Variants in MPND observed in about 807,000 individuals in gnomAD.
The protein encoded by MPND is MPN domain containing.
Under a neutral mutation model 59.2 loss-of-function variants are expected in MPND, and 56 were observed. The ratio of observed to expected loss-of-function variants is 0.95; its 90% CI spans 0.76 to 1.18. The LOEUF is 1.18. Ranked by LOEUF, MPND falls within the 50% of genes most tolerant of loss-of-function variation. The pLI, the probability that MPND is intolerant of heterozygous loss-of-function variation, is 0.00. For missense variants in MPND, 671 were observed against 676.0 expected, an observed-to-expected ratio of 0.99 and a Z score of 0.08; for synonymous variants, 323 against 291.9, an observed-to-expected ratio of 1.11 and a Z score of -1.09.
chr19:4,350,457 G>A (rs375847025), intron 3 of MPND, among the ~76,000 whole-genome samples: 6 of 152,292 alleles, frequency 3.9e-5, no homozygotes, highest in Non-Finnish European at 7.4e-5. Flanking sequence ...ACTGTCGGGG[G>A]TTAGGGTGGG....
rs940887141 is a variant in MPND, at chr19:4,358,099, A to G, written c.1253A>G (p.Tyr418Cys). The G allele has an allele frequency of 5.3e-5, 82 of 1,551,314 alleles. No homozygotes were observed. The highest frequency in any genetic ancestry group is 6.9e-5 in the Non-Finnish European group (79 of 1,146,946). Reference protein sequence around the residue: ...MPPPEQRPSDYGIPMDVEMAY... With the variant: ...MPPPEQRPSDCGIPMDVEMAY... ...CCCTGCCAGCAAAGGCCCAGTGACT[A>G]TGGCATCCCCATGGATGTGGAGATG... Residue 418 changes from tyrosine to cysteine, a missense_variant, in exon 11 of 13, where the codon TAT (tyrosine) becomes TGT (cysteine). Tyr to Cys is a radical substitution (Grantham distance 194). Transcript: ENST00000599840.
chr19:4,345,499 G>A (rs976958472), intron 2 of MPND, among the ~76,000 whole-genome samples: 4 of 152,160 alleles, frequency 2.6e-5, no homozygotes, highest in Non-Finnish European at 4.4e-5. Flanking sequence ...CCCTATCCCC[G>A]ATCTTAGGGG....
chr19:4,344,977 C>T (rs1366403608), intron 2 of MPND, among the ~76,000 whole-genome samples: 1 of 145,448 alleles, frequency 6.9e-6, no homozygotes, highest in Non-Finnish European at 1.5e-5. Flanking sequence ...CTCCTGACCT[C>T]GTGGTCCGCC....
chr19:4,354,140 C>T lies in MPND; in HGVS notation c.749+11C>T, dbSNP rs764849375. 25 of 1,604,954 alleles carry T rather than the reference C, an allele frequency of 1.6e-5. No homozygotes were observed. The highest frequency in any genetic ancestry group is 2.0e-5 in the Non-Finnish European group (24 of 1,172,518). ...CCGCGACTTGGCCAGGTCAGACTCA[C>T]CCCAAGTTCTGCCCCTGCCCCAGCT... is the stretch of plus-strand genomic sequence containing the variant. On this transcript the variant is annotated intron_variant, in intron 5 of 12. Transcript: ENST00000599840.
Position 4,345,838 on chromosome 19 carries a change from C to G in MPND, c.388C>G (p.His130Asp), listed in dbSNP as rs762305873. Reference protein sequence around the residue: ...TFNSPSAWATHCKKLVNPAKK... With the variant: ...TFNSPSAWATDCKKLVNPAKK... ...CAACTCACCCAGCGCCTGGGCCACC[C>G]ACTGCAAGAAGCTGGTGAACCCTGC... The change falls in exon 3 of 13, where the codon CAC becomes GAC. Residue 130 changes from histidine (H) to aspartate (D), a missense_variant. Physicochemically the swap from His to Asp is moderately conservative, Grantham distance 81 (BLOSUM62 -1). Coordinates refer to ENST00000599840, the MANE Select transcript of MPND (RefSeq NM_001300862.2). 1.2e-6 allele frequency: 2 copies of G among 1,613,966 alleles called. No individual in the cohort carries two copies. Among genetic ancestry groups the G allele is most frequent in the African/African-American group, 1.3e-5 (1 of 74,930 alleles).
At chr19:4,354,646 A>T in intron 6 of MPND, 1 of 597,850 alleles carries the variant, frequency 1.7e-6, no homozygotes, top group South Asian at 2.0e-5. Flanking sequence ...GCAGCGGGTC[A>T]CCTGAACTCA....
At chr19:4,357,679 G>A in intron 10 of MPND, 94 bp downstream of exon 10, 1 of 1,282,350 alleles carries the variant, frequency 7.8e-7, no homozygotes, top group Non-Finnish European at 1.1e-6. Flanking sequence ...AGGCTCCACT[G>A]GAGAGTTGGG....
chr19:4,351,347 A>C (rs1972311513), intron 3 of MPND, among the ~76,000 whole-genome samples: 1 of 151,832 alleles, frequency 6.6e-6, no homozygotes, highest in Non-Finnish European at 1.5e-5. Context: ...CAAGTGGTCC[A>C]CCGCCTCAGC....
chr19:4,359,340 C>T lies in MPND; in HGVS notation c.1419+85C>T, dbSNP rs1025725473. 3.3e-5 allele frequency: 34 copies of T among 1,024,256 alleles called. No homozygotes were observed. In the African/African-American group the frequency reaches 4.5e-4, roughly 14 times the overall value. The allele number at this position is 1,024,256 out of a possible 1,614,324, so 63.4% of individuals were successfully genotyped here. On this transcript the variant is annotated intron_variant, in intron 12 of 12. Transcript: ENST00000599840. ...CCTAAAAGGTGGCAGCAATGAGCCC[C>T]GTGGGCCTCAGGGGCCTGAGACAGC...
Position 4,354,069 on chromosome 19 carries a change from T to C in MPND, c.689T>C (p.Val230Ala). 6.2e-7 allele frequency: 1 copy of C among 1,613,192 alleles called. No homozygotes were observed. Among genetic ancestry groups the C allele is most frequent in the South Asian group, 1.1e-5 (1 of 91,050 alleles). ...GAGGCCACAACCCCAGGGAAGCGGG[T>C]GGACAGCAAGATCCGGGTTCCGGTC... is the stretch of plus-strand genomic sequence containing the variant. ...HPEATTPGKR[V>A]DSKIRVPVRY... is the part of the protein sequence containing the mutation. Residue 230 changes from valine (V) to alanine (A), a missense_variant, in exon 5 of 13, where the codon GTG becomes GCG. Transcript: ENST00000599840.
At chr19:4,344,691 C>T (rs555459285) in intron 2 of MPND, among the ~76,000 whole-genome samples, 8 of 151,362 alleles carry the variant, frequency 5.3e-5, no homozygotes, top group African/African-American at 1.5e-4. Flanking sequence ...CCTCAGCAGG[C>T]GCCTGCCACA....
In MPND at chr19:4,354,082, C is replaced by G. The variant is rs747554042; in HGVS notation, c.702C>G (p.Ile234Met). Residue 234 changes from isoleucine (I) to methionine (M), a missense_variant, in exon 5 of 13, where the codon ATC becomes ATG. Transcript: ENST00000599840. ...TTPGKRVDSK[I>M]RVPVRYCMLG... ...CAGGGAAGCGGGTGGACAGCAAGAT[C>G]CGGGTTCCGGTCCGCTACTGCATGC... 35 of 1,613,330 alleles carry G rather than the reference C, an allele frequency of 2.2e-5. No individual in the cohort carries two copies. The African/African-American group carries it at 3.9e-4, about 18-fold the overall frequency.
chr19:4,360,012 G>T lies in MPND; in HGVS notation c.*10G>T. Reference sequence around the variant, plus strand: ...CAAGCAGGGGAGCTGAGCCTTCCAGGGCAGGGTGGGCTCCAGTTGTCTTGA... The same window carrying T: ...CAAGCAGGGGAGCTGAGCCTTCCAGTGCAGGGTGGGCTCCAGTTGTCTTGA... On this transcript the variant is annotated 3_prime_UTR_variant, in exon 13 of 13. Coordinates refer to ENST00000599840, the MANE Select transcript of MPND (RefSeq NM_001300862.2). 1 of 1,555,454 alleles carries T rather than the reference G, an allele frequency of 6.4e-7. No homozygotes were observed. Among genetic ancestry groups the T allele is most frequent in the South Asian group, 1.2e-5 (1 of 84,356 alleles).
intron 8 of MPND, among the ~76,000 whole-genome samples, chr19:4,355,747 G>A (rs1479332363): frequency 4.0e-5 from 6 of 151,478 alleles, no homozygotes; most frequent in Admixed American, 3.9e-4. Flanking sequence ...GGGATTACAG[G>A]GGTGAGCCAC....
chr19:4,357,446 G>A (rs771905915), intron 9 of MPND, 25 bp downstream of exon 9: 3 of 1,609,694 alleles, frequency 1.9e-6, no homozygotes, highest in Non-Finnish European at 2.5e-6. Flanking sequence ...GCTGTGGGGG[G>A]AGCAAGGAGG....
Position 4,357,411 on chromosome 19 carries a change from C to T in MPND, c.1155C>T (p.Ala385=). The change falls in exon 9 of 13, where the codon GCC becomes GCT. Residue 385 remains alanine (A), a synonymous_variant. Transcript: ENST00000599840. ...GSSNGFQPCL[A]LLCSPYYSGN... is the part of the protein sequence containing the mutation. ...GCAATGGCTTCCAGCCCTGCCTCGC[C>T]CTGCTCTGCTGTACGCGGGATGGGG... 6.2e-7 allele frequency: 1 copy of T among 1,612,596 alleles called. No individual in the cohort carries two copies. Among genetic ancestry groups the T allele is most frequent in the Non-Finnish European group, 8.5e-7 (1 of 1,179,670 alleles).
intron 3 of MPND, chr19:4,347,896 TG>T: frequency 5.5e-6 from 1 of 180,404 alleles, no homozygotes; most frequent in East Asian, 1.5e-4. Context: ...TGTTTTTTTT[TG>T]TTTTTTTTTT....
chr19:4,343,996 TG>T lies in MPND; in HGVS notation c.294+3del. On this transcript the variant is annotated splice_donor_region_variant and intron_variant, in intron 2 of 12. Transcript: ENST00000599840. Reference sequence around the variant, plus strand: ...GGGGTGCTGTCCATCTACTACCTGGTGAGCACCCCGCCTCCCTCGTCCCATC... The same window carrying T: ...GGGGTGCTGTCCATCTACTACCTGGTAGCACCCCGCCTCCCTCGTCCCATC... 7.5e-7 allele frequency: 1 copy of T among 1,326,352 alleles called. No homozygotes were observed. Among genetic ancestry groups the T allele is most frequent in the Non-Finnish European group, 9.6e-7 (1 of 1,041,142 alleles). 82.2% of individuals were successfully genotyped at this position (1,326,352 alleles called of 1,614,324 possible).
chr19:4,355,801 G>T (rs1480674832), intron 8 of MPND, among the ~76,000 whole-genome samples: 1 of 151,446 alleles, frequency 6.6e-6, no homozygotes, highest in African/African-American at 2.4e-5. Flanking sequence ...CTCGTGATCT[G>T]CCCACCTCGG....
Sources: allele counts gnomAD v4.1 joint callset (sites outside exome capture counted in the v4.1 genomes callset), GRCh38; gene constraint gnomAD v4.1.1; transcripts MANE v1.5; gene names NCBI Gene and HGNC (gene_info 2026-07-23, HGNC 2026-07-21).